Variants in NKAIN3 observed in about 807,000 individuals in gnomAD.
The protein encoded by NKAIN3 is sodium/potassium transporting ATPase interacting 3, also known as sodium/potassium-transporting ATPase subunit beta-1-interacting protein 3.
Under a neutral mutation model 30.2 loss-of-function variants are expected in NKAIN3, and 25 were observed. That is an observed-to-expected ratio of 0.83 (90% confidence interval 0.60 to 1.16). NKAIN3 has a LOEUF of 1.16. Among genes scored for constraint, NKAIN3 ranks in the 50% most tolerant of loss-of-function variants. NKAIN3 has a pLI of 0.00. For synonymous variants in NKAIN3, 91 were observed against 89.6 expected, an observed-to-expected ratio of 1.02 and a Z score of -0.09; for missense variants, 225 against 254.1, an observed-to-expected ratio of 0.89 and a Z score of 0.78.
intron 3 of NKAIN3, among the ~76,000 whole-genome samples, chr8:62,627,523 G>A (rs1811828464): frequency 6.6e-6 from 1 of 152,062 alleles, no homozygotes. Context: ...GGATGGGAAA[G>A]GGTCCAGAGA....
At chr8:62,535,188 CACATGCCACAGTCCACGTGCT>C (rs1808616678) in intron 1 of NKAIN3, among the ~76,000 whole-genome samples, 1 of 152,124 alleles carries the variant, frequency 6.6e-6, no homozygotes, top group South Asian at 2.1e-4. Flanking sequence ...GTACTGACAG[CACATGCCACAGTCCACGTGCT>C]GTTTCAGTTA....
intron 4 of NKAIN3, among the ~76,000 whole-genome samples, chr8:62,864,664 G>A (rs1820365865): frequency 6.6e-6 from 1 of 152,138 alleles, no homozygotes. Flanking sequence ...TGTGCTTTCT[G>A]AGGGATCACC....
chr8:62,454,301 C>CAAAAAAAAAAAAAAAAAAATAAA, intron 1 of NKAIN3, among the ~76,000 whole-genome samples: 1 of 56,164 alleles, frequency 1.8e-5, no homozygotes, highest in East Asian at 3.8e-4. Flanking sequence ...AGCTGATGTG[C>CAAAAAAAAAAAAAAAAAAATAAA]AAAAAAAAAA....
At chr8:62,656,738 T>G (rs1314589207) in intron 3 of NKAIN3, among the ~76,000 whole-genome samples, 1 of 152,166 alleles carries the variant, frequency 6.6e-6, no homozygotes, top group Non-Finnish European at 1.5e-5. Context: ...CCAAACAAAA[T>G]AGAGTTCTCA....
intron 3 of NKAIN3, among the ~76,000 whole-genome samples, chr8:62,726,400 T>A (rs1025216801): frequency 1.6e-4 from 25 of 152,236 alleles, no homozygotes; most frequent in African/African-American, 6.0e-4. Flanking sequence ...TTTCCATTTA[T>A]CTTCATTTAG....
chr8:62,458,210 C>G (rs745859943), intron 1 of NKAIN3, among the ~76,000 whole-genome samples: 4 of 152,190 alleles, frequency 2.6e-5, no homozygotes, highest in Non-Finnish European at 5.9e-5. Context: ...TCTTAAATCT[C>G]AACCCTATGA....
At chr8:62,255,745 CA>C (rs1812242794) in intron 1 of NKAIN3, among the ~76,000 whole-genome samples, 1 of 152,152 alleles carries the variant, frequency 6.6e-6, no homozygotes, top group Admixed American at 6.5e-5. Context: ...GTTCTCAGGC[CA>C]GCAGAGGCAA....
chr8:62,870,719 CTATATCTA>C (rs1391514589), intron 4 of NKAIN3, among the ~76,000 whole-genome samples: 28 of 135,112 alleles, frequency 2.1e-4, no homozygotes, highest in Non-Finnish European at 1.1e-4. Context: ...ATCTATATCT[CTATATCTA>C]TATATCTATA....
chr8:62,376,259 A>G (rs751492267), intron 1 of NKAIN3, among the ~76,000 whole-genome samples: 1 of 152,180 alleles, frequency 6.6e-6, no homozygotes, highest in Non-Finnish European at 1.5e-5. Flanking sequence ...GATTTTAATG[A>G]CTAACACCTA....
chr8:62,791,836 T>A (rs556110960), intron 4 of NKAIN3, among the ~76,000 whole-genome samples: 1 of 152,124 alleles, frequency 6.6e-6, no homozygotes, highest in South Asian at 2.1e-4. Flanking sequence ...GTAAACATTA[T>A]TGAATATATT....
At chr8:62,882,520 A>G (rs1586306863) in intron 4 of NKAIN3, among the ~76,000 whole-genome samples, 1 of 151,654 alleles carries the variant, frequency 6.6e-6, no homozygotes, top group Non-Finnish European at 1.5e-5. Context: ...GTTTCACCAT[A>G]TTGGCCAGGC....
intron 1 of NKAIN3, among the ~76,000 whole-genome samples, chr8:62,528,901 G>A (rs1054032317): frequency 1.3e-5 from 2 of 152,050 alleles, no homozygotes; most frequent in Admixed American, 1.3e-4. Flanking sequence ...ATCCCACTAA[G>A]TGATAGATAC....
chr8:62,288,979 T>C (rs1260589418), intron 1 of NKAIN3, among the ~76,000 whole-genome samples: 2 of 152,248 alleles, frequency 1.3e-5, no homozygotes, highest in African/African-American at 4.8e-5. Context: ...GATTTGCACT[T>C]CTCTGATGGC....
At chr8:62,746,855 T>A in intron 3 of NKAIN3, 77 bp from the exon 4 acceptor site, 1 of 1,034,834 alleles carries the variant, frequency 9.7e-7, no homozygotes, top group Non-Finnish European at 1.5e-6. Context: ...CTACCCTGAA[T>A]TCTTCCTAAG....
chr8:62,322,331 T>C (rs1157040458), intron 1 of NKAIN3, among the ~76,000 whole-genome samples: 2 of 152,158 alleles, frequency 1.3e-5, no homozygotes, highest in Admixed American at 6.5e-5. Flanking sequence ...CTGTACCCAC[T>C]GTCCTGCACC....
chr8:62,469,153 G>A (rs1806248970), intron 1 of NKAIN3, among the ~76,000 whole-genome samples: 2 of 152,074 alleles, frequency 1.3e-5, no homozygotes. Flanking sequence ...TTCTAAAATA[G>A]TATCAATGGA....
chr8:62,359,250 A>T (rs886715894), intron 1 of NKAIN3, among the ~76,000 whole-genome samples: 2 of 152,168 alleles, frequency 1.3e-5, no homozygotes, highest in African/African-American at 4.8e-5. Flanking sequence ...ATTTTTCATA[A>T]ATAACTTAGT....
intron 1 of NKAIN3, among the ~76,000 whole-genome samples, chr8:62,506,230 G>GGGGT (rs1554540918): frequency 1.3e-4 from 18 of 141,960 alleles, no homozygotes; most frequent in African/African-American, 5.0e-4. Context: ...GAGAATATTG[G>GGGGT]GGGGGGGGAC....
intron 1 of NKAIN3, among the ~76,000 whole-genome samples, chr8:62,309,347 A>G (rs1048949786): frequency 3.3e-5 from 5 of 150,630 alleles, no homozygotes; most frequent in Non-Finnish European, 7.3e-5. Flanking sequence ...TCCTGTGTTT[A>G]CTGAGAAGGA....
Sources: gnomAD v4.1 joint callset for allele counts (sites outside exome capture counted in the v4.1 genomes callset) on GRCh38, gnomAD v4.1.1 for gene constraint, MANE v1.5 for transcripts, NCBI Gene and HGNC (gene_info 2026-07-23, HGNC 2026-07-21) for gene names.